The following MTHFD1 variants were observed in gnomAD, a reference collection of about 807,000 sequenced individuals.
MTHFD1 encodes the protein methylenetetrahydrofolate dehydrogenase, cyclohydrolase and formyltetrahydrofolate synthetase 1.
A neutral mutation model predicts 110.3 loss-of-function variants in MTHFD1; 44 were observed. That is an observed-to-expected ratio of 0.40 (90% CI 0.31 to 0.51). The LOEUF (loss-of-function observed/expected upper bound fraction) is 0.51. MTHFD1 is among the 20% of genes least tolerant of loss of function. MTHFD1 has a pLI of 0.60. For missense variants in MTHFD1, 909 were observed against 1,173.1 expected (o/e 0.77, Z 3.29); for synonymous variants, 402 against 428.8 (o/e 0.94, Z 0.77).
intron 13 of MTHFD1, 84 bp downstream of exon 13, chr14:64,430,314 C>G (rs1463846886): frequency 2.3e-6 from 3 of 1,286,996 alleles, no homozygotes; most frequent in Admixed American, 3.4e-5. Context: ...CTTTTTTTCC[C>G]CATGACGGAG....
chr14:64,454,003 T>G, intron 25 of MTHFD1, 142 bp downstream of exon 25: 1 of 696,460 alleles, frequency 1.4e-6, no homozygotes, highest in Non-Finnish European at 2.7e-6. Flanking sequence ...AATACTGAGT[T>G]TGGATTAGGT....
chr14:64,400,620 C>T (rs193079043), intron 1 of MTHFD1, among the ~76,000 whole-genome samples, 173 bp from the exon 2 acceptor site: 47 of 152,222 alleles, frequency 3.1e-4, no homozygotes, highest in Admixed American at 6.5e-4. Context: ...CCCAGGAGGT[C>T]GAGGCTGCAG....
intron 8 of MTHFD1, among the ~76,000 whole-genome samples, chr14:64,422,262 C>G (rs2078080556): frequency 6.6e-6 from 1 of 152,102 alleles, no homozygotes; most frequent in South Asian, 2.1e-4. Flanking sequence ...TACAGACCAG[C>G]AAATGGGCTG....
chr14:64,431,977 T>C (rs1200500207), intron 15 of MTHFD1, 116 bp downstream of exon 15: 2 of 864,476 alleles, frequency 2.3e-6, no homozygotes, highest in Admixed American at 4.0e-5. Context: ...ACATCAGTAA[T>C]CATAGTCTTA....
intron 1 of MTHFD1, 48 bp downstream of exon 1, chr14:64,388,516 C>G (rs1209833901): frequency 6.3e-7 from 1 of 1,578,010 alleles, no homozygotes; most frequent in East Asian, 2.2e-5. Flanking sequence ...GACGAGGGCT[C>G]TGAGGGTGTG....
chr14:64,413,543 T>C (rs2078002082), intron 4 of MTHFD1, among the ~76,000 whole-genome samples: 1 of 152,218 alleles, frequency 6.6e-6, no homozygotes, highest in African/African-American at 2.4e-5. Flanking sequence ...CTTGAGGTTA[T>C]GGCAATGTTC....
At chr14:64,421,885 A>C (rs1204122757) in intron 8 of MTHFD1, among the ~76,000 whole-genome samples, 2 of 152,036 alleles carry the variant, frequency 1.3e-5, no homozygotes, top group African/African-American at 4.8e-5. Flanking sequence ...TTTGCCTCCC[A>C]AAGTGCTGGG....
chr14:64,454,872 A>G lies in MTHFD1; in HGVS notation c.2715A>G (p.Gly905=). 1.9e-6 allele frequency: 3 copies of G among 1,614,180 alleles called. No homozygotes were observed. Among genetic ancestry groups the G allele is most frequent in the Non-Finnish European group, 1.7e-6 (2 of 1,180,014 alleles). ...CTGGTTTTCTGTACCCCTTAGTAGGAACGGTAAGTGCATGCTGCAAGGGAG... is the reference window on the plus strand; with the variant it reads ...CTGGTTTTCTGTACCCCTTAGTAGGGACGGTAAGTGCATGCTGCAAGGGAG... ...VGAGFLYPLV[G]TMSTMPGLPT... Residue 905 remains glycine (G), a synonymous_variant, in exon 26 of 28, where the codon GGA becomes GGG. Transcript: ENST00000652337.
intron 2 of MTHFD1, 130 bp downstream of exon 2, chr14:64,401,007 G>A: frequency 1.4e-6 from 1 of 720,258 alleles, no homozygotes; most frequent in East Asian, 2.7e-5. Flanking sequence ...AGTCTCTCTT[G>A]GCAGGCTCCC....
At chr14:64,400,465 G>A (rs1163245234) in intron 1 of MTHFD1, among the ~76,000 whole-genome samples, 1 of 152,180 alleles carries the variant, frequency 6.6e-6, no homozygotes, top group African/African-American at 2.4e-5. Context: ...CGAGGTCCTA[G>A]ATCGCTTGAG....
chr14:64,410,412 G>T (rs1041964760), intron 2 of MTHFD1, among the ~76,000 whole-genome samples: 4 of 151,932 alleles, frequency 2.6e-5, no homozygotes, highest in African/African-American at 7.2e-5. Context: ...AAAGATGGGG[G>T]GGGGGGTCTC....
chr14:64,423,243 G>C (rs570611689), intron 8 of MTHFD1, among the ~76,000 whole-genome samples: 5 of 152,126 alleles, frequency 3.3e-5, no homozygotes, highest in African/African-American at 1.2e-4. Flanking sequence ...AATATCTTAC[G>C]TATCTGTGGT....
chr14:64,439,839 A>C (rs927908934), intron 17 of MTHFD1, among the ~76,000 whole-genome samples: 18 of 146,472 alleles, frequency 1.2e-4, no homozygotes, highest in African/African-American at 4.6e-4. Context: ...TGTTGCATTG[A>C]GCCAAGATTG....
chr14:64,392,005 G>C (rs1281533093), intron 1 of MTHFD1, among the ~76,000 whole-genome samples: 1 of 152,162 alleles, frequency 6.6e-6, no homozygotes, highest in African/African-American at 2.4e-5. Flanking sequence ...GAGCAGAAAA[G>C]AGGGACAGGA....
At position 64,390,175 on chromosome 14, in the gene MTHFD1, G is replaced by C. The variant is rs181514407; in HGVS notation, c.41+1707G>C. Among the ~76,000 whole-genome samples the C allele has an allele frequency of 2.7e-3, 417 of 152,218 alleles. 5 individuals carry two copies. The highest frequency in any genetic ancestry group is 1.7e-3 in the Non-Finnish European group (117 of 68,022). On this transcript the variant is annotated intron_variant, in intron 1 of 27. Coordinates refer to ENST00000652337, the MANE Select transcript of MTHFD1 (RefSeq NM_005956.4). ...AAATGTTAAGTAAAAGTAATGTCTA[G>C]GTCATTGGGATGTTAGTAGAATTAA...
chr14:64,400,572 C>G (rs2077887892), intron 1 of MTHFD1, among the ~76,000 whole-genome samples: 1 of 152,118 alleles, frequency 6.6e-6, no homozygotes, highest in African/African-American at 2.4e-5. Flanking sequence ...TGTAAAGTCC[C>G]AGCTACTCAG....
chr14:64,447,086 C>T (rs2140979361), intron 22 of MTHFD1, among the ~76,000 whole-genome samples: 1 of 151,992 alleles, frequency 6.6e-6, no homozygotes, highest in South Asian at 2.1e-4. Flanking sequence ...GCAAGTGATC[C>T]TCCGATCTCA....
At chr14:64,404,406 A>G (rs2077922239) in intron 2 of MTHFD1, among the ~76,000 whole-genome samples, 1 of 152,196 alleles carries the variant, frequency 6.6e-6, no homozygotes, top group Non-Finnish European at 1.5e-5. Flanking sequence ...TCATGAGGGA[A>G]TGCTTCCAAA....
At chr14:64,398,018 G>A (rs889935354) in intron 1 of MTHFD1, among the ~76,000 whole-genome samples, 1 of 152,084 alleles carries the variant, frequency 6.6e-6, no homozygotes, top group South Asian at 2.1e-4. Context: ...ACTGTGTAGG[G>A]GTATTAGGCT....
Sources: gnomAD v4.1 joint callset for allele counts (sites outside exome capture counted in the v4.1 genomes callset) on GRCh38, gnomAD v4.1.1 for gene constraint, MANE v1.5 for transcripts, NCBI Gene and HGNC (gene_info 2026-07-23, HGNC 2026-07-21) for gene names.